TENM1: variants seen among roughly 807,000 people sequenced by gnomAD.
TENM1 encodes teneurin transmembrane protein 1, also known as teneurin-1.
TENM1 carries 35 observed loss-of-function variants against 174.8 expected under a neutral mutation model. The observed-to-expected ratio is 0.20, with a 90% CI of 0.15 to 0.27. TENM1 has a LOEUF of 0.27. TENM1 is among the 10% of genes least tolerant of loss of function. The probability of loss-of-function intolerance (pLI) is 1.00; values close to 1 mark genes in which losing one functional copy is unlikely to be tolerated. For synonymous variants in TENM1, 781 were observed against 798.7 expected (o/e 0.98, Z 0.37); for missense variants, 1,633 against 2,130.1 (o/e 0.77, Z 4.59).
chrX:124,657,883 G>A (rs1257850109), intron 6 of TENM1, among the ~76,000 whole-genome samples: 2 of 112,229 alleles, frequency 1.8e-5, no homozygotes, highest in Non-Finnish European at 3.8e-5. Flanking sequence ...TGCATTCAGA[G>A]CATATTTGTC....
upstream of TENM1, among the ~76,000 whole-genome samples, chrX:124,965,745 C>T (rs959868642): frequency 9.0e-6 from 1 of 111,002 alleles, no homozygotes; most frequent in African/African-American, 3.3e-5. Flanking sequence ...TCTAATCTCA[C>T]GCCAGTATAT....
chrX:124,792,429 A>T (rs1223606086), intron 3 of TENM1, among the ~76,000 whole-genome samples: 1 of 112,180 alleles, frequency 8.9e-6, no homozygotes, highest in Non-Finnish European at 1.9e-5. Context: ...CTTGAAGATT[A>T]TAAGAAGAGA....
intron 14 of TENM1, among the ~76,000 whole-genome samples, chrX:124,553,539 A>G (rs2048624675): frequency 9.5e-6 from 1 of 105,704 alleles, no homozygotes; most frequent in Non-Finnish European, 1.9e-5. Flanking sequence ...ATTCTTTCTA[A>G]CTATCTTTTT....
At chrX:124,641,724 T>C in intron 11 of TENM1, 67 bp downstream of exon 14, 1 of 1,038,929 alleles carries the variant, frequency 9.6e-7, no homozygotes, top group South Asian at 2.0e-5. Context: ...TAAGAAACAC[T>C]GCCTTAAGGA....
intron 1 of TENM1, among the ~76,000 whole-genome samples, chrX:124,916,410 T>C (rs1457188485): frequency 9.0e-6 from 1 of 111,119 alleles, no homozygotes; most frequent in Non-Finnish European, 1.9e-5. Flanking sequence ...TGGGTTCAAG[T>C]GATTCTCCCA....
At chrX:125,061,874 C>T in the TENM1 span, among the ~76,000 whole-genome samples, 1 of 112,033 alleles carries the variant, frequency 8.9e-6, no homozygotes, top group Non-Finnish European at 1.9e-5. Flanking sequence ...ACCACACTAA[C>T]TCTGTATGCC....
At chrX:124,837,364 C>T (rs7065587) in intron 3 of TENM1, among the ~76,000 whole-genome samples, 4,112 of 112,270 alleles carry the variant, frequency 0.037, 102 homozygotes, top group African/African-American at 0.081. Context: ...GTTGGGATTA[C>T]AGGTGTGAGC....
intron 3 of TENM1, among the ~76,000 whole-genome samples, chrX:124,801,581 T>C (rs1209106467): frequency 8.9e-6 from 1 of 112,109 alleles, no homozygotes; most frequent in Non-Finnish European, 1.9e-5. Flanking sequence ...TTTAGCCCAT[T>C]TACATTTAAG....
At chrX:124,902,230 T>C (rs145463658) in intron 1 of TENM1, among the ~76,000 whole-genome samples, 334 of 112,211 alleles carry the variant, frequency 3.0e-3, no homozygotes, top group Non-Finnish European at 4.5e-3. Flanking sequence ...GTTTCATGAA[T>C]CAAGGAGCCA....
chrX:125,199,029 T>C, the TENM1 span, among the ~76,000 whole-genome samples: 3 of 111,968 alleles, frequency 2.7e-5, no homozygotes, highest in East Asian at 5.6e-4. Context: ...AGATTCACGA[T>C]GGCATTTAGT....
intron 4 of TENM1, among the ~76,000 whole-genome samples, chrX:124,723,333 G>C (rs1398663842): frequency 1.8e-5 from 2 of 111,262 alleles, no homozygotes; most frequent in Non-Finnish European, 3.8e-5. Context: ...TGTGATATTT[G>C]AAAATCATGA....
chrX:124,646,529 A>T (rs1300092049), intron 9 of TENM1, among the ~76,000 whole-genome samples, 180 bp downstream of exon 12: 1 of 112,267 alleles, frequency 8.9e-6, no homozygotes, highest in Admixed American at 9.5e-5. Context: ...ACGGAACACA[A>T]AGTGTTTAGA....
intron 1 of TENM1, among the ~76,000 whole-genome samples, chrX:124,899,447 C>T (rs1411949903): frequency 2.7e-5 from 3 of 111,341 alleles, no homozygotes; most frequent in Non-Finnish European, 5.7e-5. Flanking sequence ...CCTGCCTTGG[C>T]CTTTCAAAAT....
chrX:124,859,656 G>A (rs1405767937), intron 3 of TENM1, among the ~76,000 whole-genome samples: 1 of 111,287 alleles, frequency 9.0e-6, no homozygotes, highest in East Asian at 2.8e-4. Context: ...CAAAATACAC[G>A]GGATACATAT....
At chrX:125,150,539 C>T in the TENM1 span, among the ~76,000 whole-genome samples, 1,610 of 111,599 alleles carry the variant, frequency 0.014, 34 homozygotes, top group African/African-American at 0.05. Context: ...CCCAAAGCAA[C>T]CAGTCACATA....
chrX:124,760,715 A>C (rs763329605), intron 3 of TENM1, among the ~76,000 whole-genome samples: 1 of 111,960 alleles, frequency 8.9e-6, no homozygotes, highest in Admixed American at 9.5e-5. Flanking sequence ...TAAACCAAAG[A>C]GCATCTGCAC....
the TENM1 span, among the ~76,000 whole-genome samples, chrX:125,071,693 A>T: frequency 9.0e-6 from 1 of 111,304 alleles, no homozygotes; most frequent in Non-Finnish European, 1.9e-5. Context: ...GAAAAAGGGA[A>T]TATTTCATTT....
intron 6 of TENM1, among the ~76,000 whole-genome samples, chrX:124,661,061 G>A (rs1420893061): frequency 3.6e-5 from 4 of 111,687 alleles, no homozygotes; most frequent in Non-Finnish European, 7.5e-5. Flanking sequence ...TAAAAATGAA[G>A]TATTGATACA....
chrX:124,663,267 G>A (rs1390218014), intron 6 of TENM1, among the ~76,000 whole-genome samples: 1 of 111,666 alleles, frequency 9.0e-6, no homozygotes, highest in Admixed American at 9.5e-5. Flanking sequence ...AGAAGTAAAC[G>A]CAAGGACTCT....
Sources: gnomAD v4.1 joint callset for allele counts (sites outside exome capture counted in the v4.1 genomes callset) on GRCh38, gnomAD v4.1.1 for gene constraint, MANE v1.5 for transcripts, NCBI Gene and HGNC (gene_info 2026-07-23, HGNC 2026-07-21) for gene names.